Variants in PM20D2 observed in about 807,000 individuals in gnomAD.
PM20D2 encodes peptidase M20 domain containing 2.
PM20D2 carries 33 observed loss-of-function variants against 42.9 expected under a neutral mutation model. The observed-to-expected ratio is 0.77, with a 90% confidence interval of 0.58 to 1.03. The LOEUF (loss-of-function observed/expected upper bound fraction) is 1.03, where lower values mean the gene tolerates loss of function less well. Ranked by LOEUF, PM20D2 falls within the 50% of genes least tolerant of loss-of-function variation. The probability of loss-of-function intolerance (pLI) is 0.00; values close to 1 mark genes in which losing one functional copy is unlikely to be tolerated. For synonymous variants in PM20D2, 250 were observed against 228.2 expected (o/e 1.10, Z -0.86); for missense variants, 548 against 557.0 (o/e 0.98, Z 0.16).
the PM20D2 span, among the ~76,000 whole-genome samples, chr6:89,123,214 A>G: frequency 2.0e-5 from 3 of 152,138 alleles, no homozygotes; most frequent in Non-Finnish European, 4.4e-5. Flanking sequence ...TATGTGAAGC[A>G]CAGTGCTAGG....
At position 89,146,112 on chromosome 6, in the gene PM20D2, G is replaced by A; in HGVS notation, c.-33G>A. The A allele has an allele frequency of 1.4e-6, 2 of 1,396,918 alleles. No homozygotes were observed. Among genetic ancestry groups the A allele is most frequent in the Non-Finnish European group, 9.3e-7 (1 of 1,080,210 alleles). 86.5% of individuals were successfully genotyped at this position (1,396,918 alleles called of 1,614,324 possible). A position where few individuals can be genotyped will look rare whatever the true frequency, so the allele number is the denominator to read the frequency against. On this transcript the variant is annotated 5_prime_UTR_variant, in exon 1 of 7. Coordinates refer to ENST00000275072, the MANE Select transcript of PM20D2 (RefSeq NM_001010853.3). ...GCTACCTGCGGCCGAGCCAGGGAGC[G>A]AGAGGGCGCAGAGGGCAGCGGGCTT... is the stretch of plus-strand genomic sequence containing the variant.
At chr6:89,110,334 C>G in the PM20D2 span, among the ~76,000 whole-genome samples, 1 of 152,178 alleles carries the variant, frequency 6.6e-6, no homozygotes, top group Non-Finnish European at 1.5e-5. Context: ...AAGCAAGCCA[C>G]TCAAGTGCAT....
chr6:89,122,616 TTTTG>T, the PM20D2 span, among the ~76,000 whole-genome samples: 2 of 152,352 alleles, frequency 1.3e-5, no homozygotes, highest in Admixed American at 6.5e-5. Flanking sequence ...AATTAACTAG[TTTTG>T]TTTATTACTG....
intron 4 of PM20D2, among the ~76,000 whole-genome samples, chr6:89,156,120 G>A (rs1329378892): frequency 6.6e-6 from 1 of 152,074 alleles, no homozygotes. Flanking sequence ...TCCTGACCTT[G>A]TGATCCACCC....
At chr6:89,098,525 T>C in the PM20D2 span, 1 of 1,520,784 alleles carries the variant, frequency 6.6e-7, no homozygotes, top group Non-Finnish European at 8.8e-7. Flanking sequence ...TTTAACATAA[T>C]GAGAGTTTAA....
At chr6:89,132,027 A>G in the PM20D2 span, among the ~76,000 whole-genome samples, 5 of 152,236 alleles carry the variant, frequency 3.3e-5, no homozygotes, top group Non-Finnish European at 7.3e-5. Flanking sequence ...TTTGGAGGAC[A>G]TCAACCTCCA....
chr6:89,152,213 T>C (rs1770872421), intron 2 of PM20D2, among the ~76,000 whole-genome samples: 1 of 152,228 alleles, frequency 6.6e-6, no homozygotes, highest in Non-Finnish European at 1.5e-5. Flanking sequence ...GTCCTGCTAA[T>C]AGAATGTCTG....
chr6:89,103,658 C>G, the PM20D2 span, among the ~76,000 whole-genome samples: 1 of 151,996 alleles, frequency 6.6e-6, no homozygotes. Flanking sequence ...CAGGATTTCA[C>G]CATATTGCTC....
intron 2 of PM20D2, among the ~76,000 whole-genome samples, chr6:89,150,773 C>T (rs965411075): frequency 1.3e-4 from 20 of 151,632 alleles, no homozygotes; most frequent in Non-Finnish European, 2.5e-4. Flanking sequence ...CTCCTAACCT[C>T]AAGTGATTCA....
At chr6:89,143,983 G>C (rs1212932895), upstream of PM20D2, among the ~76,000 whole-genome samples, 1 of 152,208 alleles carries the variant, frequency 6.6e-6, no homozygotes, top group Non-Finnish European at 1.5e-5. Flanking sequence ...TAAGATGTTA[G>C]GTGCTGGGGA....
At chr6:89,152,323 A>G (rs1043642751) in intron 2 of PM20D2, among the ~76,000 whole-genome samples, 1 of 152,198 alleles carries the variant, frequency 6.6e-6, no homozygotes, top group African/African-American at 2.4e-5. Flanking sequence ...AAATGTGGGT[A>G]TTATTAATCA....
chr6:89,153,877 CAG>C (rs1427165631), intron 3 of PM20D2, among the ~76,000 whole-genome samples: 6 of 152,190 alleles, frequency 3.9e-5, no homozygotes, highest in Non-Finnish European at 7.3e-5. Context: ...GCTGGGATTA[CAG>C]GTGTGAGCCA....
At chr6:89,105,234 G>A in the PM20D2 span, 6 of 1,610,930 alleles carry the variant, frequency 3.7e-6, no homozygotes, top group African/African-American at 2.7e-5. Flanking sequence ...CAAGGATGAC[G>A]TTCTTTTGAT....
At chr6:89,109,924 T>C in the PM20D2 span, among the ~76,000 whole-genome samples, 1 of 152,068 alleles carries the variant, frequency 6.6e-6, no homozygotes, top group Non-Finnish European at 1.5e-5. Flanking sequence ...ACCCCATCTC[T>C]ACTAAAAATA....
At position 89,162,268 on chromosome 6, in the gene PM20D2, C is replaced by T. The variant is rs2127783041; in HGVS notation, c.*5C>T. 8 of 1,600,944 alleles carry T rather than the reference C, an allele frequency of 5.0e-6. No homozygotes were observed. Among genetic ancestry groups the T allele is most frequent in the Non-Finnish European group, 6.8e-6 (8 of 1,174,910 alleles). Reference sequence around the variant, plus strand: ...TTTGTAAATGCAGTAGAATAAAAGACTTAGGGGCCACTTATAAATCAAGAA... The same window carrying T: ...TTTGTAAATGCAGTAGAATAAAAGATTTAGGGGCCACTTATAAATCAAGAA... On this transcript the variant is annotated 3_prime_UTR_variant, in exon 7 of 7. Coordinates refer to ENST00000275072, the MANE Select transcript of PM20D2 (RefSeq NM_001010853.3).
Position 89,146,114 on chromosome 6 carries a change from G to A in PM20D2, c.-31G>A, listed in dbSNP as rs1770530363. 5.0e-6 allele frequency: 7 copies of A among 1,400,646 alleles called. No individual in the cohort carries two copies. The highest frequency in any genetic ancestry group is 1.5e-5 in the African/African-American group (1 of 66,670). The allele number at this position is 1,400,646 out of a possible 1,614,324, so 86.8% of individuals were successfully genotyped here. ...TACCTGCGGCCGAGCCAGGGAGCGA[G>A]AGGGCGCAGAGGGCAGCGGGCTTGG... On this transcript the variant is annotated 5_prime_UTR_variant, in exon 1 of 7. Coordinates refer to ENST00000275072, the MANE Select transcript of PM20D2 (RefSeq NM_001010853.3).
chr6:89,151,494 C>T (rs1384235301), intron 2 of PM20D2, among the ~76,000 whole-genome samples: 1 of 152,132 alleles, frequency 6.6e-6, no homozygotes, highest in Admixed American at 6.5e-5. Flanking sequence ...TCCCAAAGGG[C>T]TGGAATTACA....
intron 1 of PM20D2, 122 bp downstream of exon 1, chr6:89,146,731 T>C (rs9342178): frequency 0.3 from 241,637 of 793,794 alleles, 38,988 homozygotes; most frequent in African/African-American, 0.54. Context: ...CAGGTGTGTG[T>C]GGGACCGCGC....
chr6:89,103,965 C>G, the PM20D2 span, among the ~76,000 whole-genome samples: 1 of 148,586 alleles, frequency 6.7e-6, no homozygotes, highest in East Asian at 2.0e-4. Context: ...AGTCAACCAC[C>G]TTTCACAAGG....
Sources: gnomAD v4.1 joint callset for allele counts (sites outside exome capture counted in the v4.1 genomes callset) on GRCh38, gnomAD v4.1.1 for gene constraint, MANE v1.5 for transcripts, NCBI Gene and HGNC (gene_info 2026-07-23, HGNC 2026-07-21) for gene names.